AGAP1: variants seen among roughly 807,000 people sequenced by gnomAD.
AGAP1 encodes the protein ArfGAP with GTPase domain, ankyrin repeat and PH domain 1.
In AGAP1, 29 loss-of-function variants were observed where a neutral mutation model predicts 105.3. That is an observed-to-expected ratio of 0.28 (90% CI 0.21 to 0.38). The LOEUF is 0.38. AGAP1 is among the 10% of genes least tolerant of loss of function. The pLI is 1.00. For missense variants in AGAP1, 998 were observed against 1,165.1 expected, an observed-to-expected ratio of 0.86 and a Z score of 2.09; for synonymous variants, 509 against 485.9, an observed-to-expected ratio of 1.05 and a Z score of -0.63.
At position 235,971,755 on chromosome 2, in the gene AGAP1, T is replaced by G. The variant is rs2054654990; in HGVS notation, c.1645+3132T>G. 6.8e-6 allele frequency among the ~76,000 whole-genome samples: 1 copy of G among 146,638 alleles called. No individual in the cohort carries two copies. Among genetic ancestry groups the G allele is most frequent in the Admixed American group, 6.8e-5 (1 of 14,770 alleles). On this transcript the variant is annotated intron_variant, in intron 13 of 17. Transcript: ENST00000304032. This position sits in a 1 kb window ranked among gnomAD's most constrained non-coding sequence, Gnocchi z 4.8. ...TATATGTTTTATTTTATTTATTTAT[T>G]TATTTATTTATTTATTTATTTATTT...
intron 10 of AGAP1, among the ~76,000 whole-genome samples, chr2:235,890,679 C>T (rs1343874892): frequency 6.6e-6 from 1 of 152,168 alleles, no homozygotes; most frequent in Non-Finnish European, 1.5e-5. Flanking sequence ...AGGCTACATC[C>T]GTTCTAGTGG....
chr2:236,121,708 T>TG lies in AGAP1; in HGVS notation c.2370+1262dup, dbSNP rs567106600. Among the ~76,000 whole-genome samples, 7 of 152,304 alleles carry TG rather than the reference T, an allele frequency of 4.6e-5. No individual in the cohort carries two copies. In the East Asian group the frequency reaches 1.4e-3, roughly 29 times the overall value. ...CTCATGAGTCATACATGTGATGTAA[T>TG]GCACATTAAATAAGAGTTGTGTGTA... On this transcript the variant is annotated intron_variant, in intron 17 of 17. Transcript: ENST00000304032. The surrounding 1 kb of genome is among the most constrained non-coding windows in gnomAD (Gnocchi z 4.9).
intron 1 of AGAP1, among the ~76,000 whole-genome samples, chr2:235,683,258 AT>A (rs200535410): frequency 0.017 from 2,626 of 152,248 alleles, 66 homozygotes; most frequent in African/African-American, 0.059. Flanking sequence ...GTGAGCTGAG[AT>A]CGCACCACTG....
In AGAP1 at chr2:236,041,873, C is replaced by T. The variant is rs374474036; in HGVS notation, c.1891+1032C>T. 2.9e-3 allele frequency among the ~76,000 whole-genome samples: 448 copies of T among 152,278 alleles called. 4 individuals are homozygous for T. Among genetic ancestry groups the T allele is most frequent in the African/African-American group, 0.01 (417 of 41,554 alleles). ...GTCTTGCCACCCATGCAGGAGCTGT[C>T]GTGTCAGCAGGGCTCTGGAGATGGG... On this transcript the variant is annotated intron_variant, in intron 15 of 17. Coordinates refer to ENST00000304032, the MANE Select transcript of AGAP1 (RefSeq NM_001037131.3).
chr2:235,659,343 G>A lies in AGAP1; in HGVS notation c.164-49836G>A, dbSNP rs763380932. Among the ~76,000 whole-genome samples, 11 of 152,302 alleles carry A rather than the reference G, an allele frequency of 7.2e-5. No homozygotes were observed. Among genetic ancestry groups the A allele is most frequent in the Middle Eastern group, 6.8e-3 (2 of 294 alleles). On this transcript the variant is annotated intron_variant, in intron 1 of 17. Coordinates refer to ENST00000304032, the MANE Select transcript of AGAP1 (RefSeq NM_001037131.3). This position sits in a 1 kb window ranked among gnomAD's most constrained non-coding sequence, Gnocchi z 5.0. ...GGTAGAATGGATGAACTGAATTAAC[G>A]TCTGAAGTGCCACAGTGTTGTATCT...
intron 6 of AGAP1, among the ~76,000 whole-genome samples, chr2:235,755,434 G>A (rs947765038): frequency 3.3e-5 from 5 of 152,048 alleles, no homozygotes; most frequent in African/African-American, 1.2e-4. Flanking sequence ...CTGGTCCTAC[G>A]ATCCCTCCCC....
rs1012819839 is a variant in AGAP1 at position 236,012,212 on chromosome 2, A to G, written c.1646-24349A>G. Among the ~76,000 whole-genome samples the G allele has an allele frequency of 6.6e-6, 1 of 152,118 alleles. No individual in the cohort carries two copies. The highest frequency in any genetic ancestry group is 1.5e-5 in the Non-Finnish European group (1 of 68,014). ...TGCTTATACATCCTGTGGTAATGGGAGAGCAGAGTGTGAAAAATGGAAGGC... is the reference window on the plus strand; with the variant it reads ...TGCTTATACATCCTGTGGTAATGGGGGAGCAGAGTGTGAAAAATGGAAGGC... On this transcript the variant is annotated intron_variant, in intron 13 of 17. Transcript: ENST00000304032. The surrounding 1 kb of genome is among the most constrained non-coding windows in gnomAD (Gnocchi z 4.9).
At chr2:235,587,043 C>T (rs1945134982) in intron 1 of AGAP1, among the ~76,000 whole-genome samples, 1 of 152,212 alleles carries the variant, frequency 6.6e-6, no homozygotes, top group Non-Finnish European at 1.5e-5. Flanking sequence ...TTTAAATGCT[C>T]ACAAAATCCT....
rs576669765 is a variant in AGAP1, at chr2:235,615,766, A to T, written c.164-93413A>T. On this transcript the variant is annotated intron_variant, in intron 1 of 17. Coordinates refer to ENST00000304032, the MANE Select transcript of AGAP1 (RefSeq NM_001037131.3). This position sits in a 1 kb window ranked among gnomAD's most constrained non-coding sequence, Gnocchi z 5.0. ...AAAAAATGAATTTTTGAGTGTTCCT[A>T]TATTCTTGGGGATGAACTTCAAGGG... Among the ~76,000 whole-genome samples, 2 of 152,126 alleles carry T rather than the reference A, an allele frequency of 1.3e-5. No individual in the cohort carries two copies. The highest frequency in any genetic ancestry group is 4.8e-5 in the African/African-American group (2 of 41,440).
At chr2:235,742,592 G>A (rs111526325) in intron 4 of AGAP1, among the ~76,000 whole-genome samples, 1 of 152,122 alleles carries the variant, frequency 6.6e-6, no homozygotes, top group African/African-American at 2.4e-5. Flanking sequence ...GGTCTGATAG[G>A]ATCCTATCAG....
Position 235,882,677 on chromosome 2 carries a change from G to A in AGAP1, c.1051-668G>A, listed in dbSNP as rs968345905. ...CAGGGTTTCACCAATATTGGCCATG[G>A]TTGGCCAGGCTGGCCTCAAACTCCT... On this transcript the variant is annotated intron_variant, in intron 9 of 17. Transcript: ENST00000304032. The surrounding 1 kb of genome is among the most constrained non-coding windows in gnomAD (Gnocchi z 4.6). 2.3e-4 allele frequency among the ~76,000 whole-genome samples: 35 copies of A among 152,082 alleles called. No homozygotes were observed. Among genetic ancestry groups the A allele is most frequent in the African/African-American group, 8.2e-4 (34 of 41,414 alleles).
rs1208093545 is a variant in AGAP1, at chr2:235,725,880, T to C, written c.310+8236T>C. Reference sequence around the variant, plus strand: ...ATATTGTCTAAAAATAGGTAAAGGATGCTAACATTATTATTAGATGTTCAA... The same window carrying C: ...ATATTGTCTAAAAATAGGTAAAGGACGCTAACATTATTATTAGATGTTCAA... On this transcript the variant is annotated intron_variant, in intron 3 of 17. Coordinates refer to ENST00000304032, the MANE Select transcript of AGAP1 (RefSeq NM_001037131.3). The surrounding 1 kb of genome is among the most constrained non-coding windows in gnomAD (Gnocchi z 5.7). Among the ~76,000 whole-genome samples, 3 of 152,176 alleles carry C rather than the reference T, an allele frequency of 2.0e-5. No individual in the cohort carries two copies. Among genetic ancestry groups the C allele is most frequent in the Non-Finnish European group, 4.4e-5 (3 of 68,048 alleles).
intron 1 of AGAP1, among the ~76,000 whole-genome samples, chr2:235,511,929 TGAATGTGTATGTGTGG>T (rs1942145805): frequency 6.6e-6 from 1 of 151,504 alleles, no homozygotes; most frequent in African/African-American, 2.4e-5. Flanking sequence ...TGTGAATGTG[TGAATGTGTATGTGTGG>T]GTGTGAATGT....
intron 1 of AGAP1, 95 bp downstream of exon 1, chr2:235,494,944 C>T (rs1941245594): frequency 2.4e-6 from 3 of 1,255,470 alleles, no homozygotes; most frequent in Admixed American, 3.9e-5. Flanking sequence ...CCACACACGC[C>T]GGCCGGGGCA....
At chr2:236,106,404 A>G (rs1019002052) in intron 16 of AGAP1, among the ~76,000 whole-genome samples, 1 of 152,230 alleles carries the variant, frequency 6.6e-6, no homozygotes, top group African/African-American at 2.4e-5. Flanking sequence ...GCGGCAGCGC[A>G]CAGGGCTCAG....
intron 10 of AGAP1, among the ~76,000 whole-genome samples, chr2:235,895,430 C>T (rs901604628): frequency 2.6e-5 from 4 of 152,116 alleles, no homozygotes; most frequent in African/African-American, 7.2e-5. Context: ...ATCTGGCCTC[C>T]GGGTCTTCAC....
intron 16 of AGAP1, among the ~76,000 whole-genome samples, chr2:236,086,818 C>T (rs1227681036): frequency 2.6e-5 from 4 of 152,030 alleles, no homozygotes; most frequent in Non-Finnish European, 5.9e-5. Flanking sequence ...TCTTTCTTTG[C>T]ATAAATTTAA....
At chr2:235,748,247 A>G (rs541575531) in intron 5 of AGAP1, among the ~76,000 whole-genome samples, 45 of 152,218 alleles carry the variant, frequency 3.0e-4, no homozygotes, top group African/African-American at 1.1e-3. Flanking sequence ...TTTGACAGAA[A>G]CCAAGCGAGC....
At position 236,125,759 on chromosome 2, in the gene AGAP1, G is replaced by T. The variant is rs1193318139; in HGVS notation, c.*1637G>T. The T allele has an allele frequency of 1.3e-5, 2 of 152,322 alleles. No homozygotes were observed. Among genetic ancestry groups the T allele is most frequent in the Middle Eastern group, 3.4e-3 (1 of 296 alleles). The allele number at this position is 152,322 out of a possible 1,614,324, so 9.4% of individuals were successfully genotyped here. The stretch of plus-strand genomic sequence containing the variant: ...TGATTTTCCATCGTTGCGGTATCCA[G>T]CCGCTTCAGACGTCCGCCGCCTTCA... On this transcript the variant is annotated 3_prime_UTR_variant, in exon 18 of 18. Transcript: ENST00000304032. The surrounding 1 kb of genome is among the most constrained non-coding windows in gnomAD (Gnocchi z 5.2).
Sources: allele counts gnomAD v4.1 joint callset (sites outside exome capture counted in the v4.1 genomes callset), GRCh38; gene constraint gnomAD v4.1.1; non-coding constraint Gnocchi (gnomAD v3.1); transcripts MANE v1.5; gene names NCBI Gene and HGNC (gene_info 2026-07-23, HGNC 2026-07-21).